Variants in P2RY12 observed in about 807,000 individuals in gnomAD.
P2RY12 encodes P2Y purinoceptor 12.
P2RY12 carries 3 observed loss-of-function variants against 4.5 expected under a neutral mutation model. The observed-to-expected ratio is 0.67, with a 90% CI of 0.31 to 1.74. The LOEUF is 1.74. P2RY12 is among the 40% of genes most tolerant of loss of function. P2RY12 has a pLI of 0.09. For missense variants in P2RY12, 356 were observed against 407.8 expected (o/e 0.87, Z 1.09); for synonymous variants, 148 against 154.1 (o/e 0.96, Z 0.29).
At chr3:151,357,517 A>G (rs1754075036) in intron 1 of P2RY12, 3 of 689,288 alleles carry the variant, frequency 4.4e-6, no homozygotes, top group Non-Finnish European at 6.7e-6. Flanking sequence ...CTTGCCAGAA[A>G]ACATCGATCA....
intron 1 of P2RY12, among the ~76,000 whole-genome samples, chr3:151,369,003 C>T (rs1229134618): frequency 6.6e-6 from 1 of 152,048 alleles, no homozygotes; most frequent in Non-Finnish European, 1.5e-5. Flanking sequence ...CCTCGTGATC[C>T]ACCTGCCTCG....
rs1258199474 is a variant in P2RY12, at chr3:151,338,724, A to T, written c.122T>A (p.Ile41Asn). 6.2e-7 allele frequency: 1 copy of T among 1,613,646 alleles called. No individual in the cohort carries two copies. Among genetic ancestry groups the T allele is most frequent in the South Asian group, 1.1e-5 (1 of 91,060 alleles). Reference sequence around the variant, plus strand: ...AATCCTCATCGCCAGGCCATTTGTGATAAGTCCAACAAAAAACAGGACAGT... The same window carrying T: ...AATCCTCATCGCCAGGCCATTTGTGTTAAGTCCAACAAAAAACAGGACAGT... ...LYTVLFFVGL[I>N]TNGLAMRIFF... The change falls in exon 3 of 3, where the codon ATC becomes AAC. Residue 41 changes from isoleucine (I) to asparagine (N), a missense_variant. Physicochemically the swap from Ile to Asn is moderately radical, Grantham distance 149. Coordinates refer to ENST00000302632, the MANE Select transcript of P2RY12 (RefSeq NM_022788.5).
intron 1 of P2RY12, among the ~76,000 whole-genome samples, chr3:151,352,517 T>A (rs1391127057): frequency 6.6e-6 from 1 of 152,208 alleles, no homozygotes; most frequent in Non-Finnish European, 1.5e-5. Context: ...TAGCTAACTG[T>A]ACTTCATATT....
intron 1 of P2RY12, among the ~76,000 whole-genome samples, chr3:151,356,865 C>G (rs1415278183): frequency 2.0e-5 from 3 of 151,878 alleles, no homozygotes; most frequent in Admixed American, 1.3e-4. Flanking sequence ...GAGATATTAA[C>G]TTTGTTAATG....
chr3:151,362,935 C>T (rs1754798220), intron 1 of P2RY12, among the ~76,000 whole-genome samples: 1 of 152,118 alleles, frequency 6.6e-6, no homozygotes. Context: ...TTTCAGCTTA[C>T]ATTTTTCAAA....
chr3:151,357,351 G>C, intron 1 of P2RY12: 1 of 1,612,312 alleles, frequency 6.2e-7, no homozygotes, highest in South Asian at 1.1e-5. Context: ...CTTGAATCCT[G>C]ATCAGACAGC....
chr3:151,383,712 CAT>C (rs2108155771), intron 1 of P2RY12: 3 of 980,664 alleles, frequency 3.1e-6, no homozygotes, highest in African/African-American at 3.3e-5. Context: ...AATTTGATAA[CAT>C]AAAGCAATGG....
intron 1 of P2RY12, among the ~76,000 whole-genome samples, chr3:151,355,468 A>G (rs1287509397): frequency 6.6e-6 from 1 of 152,198 alleles, no homozygotes; most frequent in Non-Finnish European, 1.5e-5. Context: ...AATCGGTGAC[A>G]TATAAAGTAA....
chr3:151,337,755 A>G lies in P2RY12; in HGVS notation c.*62T>C. The G allele has an allele frequency of 2.0e-6, 3 of 1,510,382 alleles. No homozygotes were observed. In the South Asian group the frequency reaches 3.4e-5, roughly 17 times the overall value. The allele number at this position is 1,510,382 out of a possible 1,614,324, so 93.6% of individuals were successfully genotyped here. ...TCTTCGTCAGTTAATATTTTTACTTAGCGCTTTGCTTTAACGAGTTCTGAA... is the reference window on the plus strand; with the variant it reads ...TCTTCGTCAGTTAATATTTTTACTTGGCGCTTTGCTTTAACGAGTTCTGAA... On this transcript the variant is annotated 3_prime_UTR_variant, in exon 3 of 3. Transcript: ENST00000302632.
chr3:151,382,376 G>A (rs1198403401), intron 1 of P2RY12, among the ~76,000 whole-genome samples: 1 of 151,996 alleles, frequency 6.6e-6, no homozygotes, highest in African/African-American at 2.4e-5. Context: ...TTTTATTAAT[G>A]CTTAATTTGA....
intron 1 of P2RY12, among the ~76,000 whole-genome samples, chr3:151,371,557 A>G (rs534969713): frequency 5.9e-5 from 9 of 152,210 alleles, no homozygotes; most frequent in African/African-American, 2.2e-4. Flanking sequence ...TCAGTAAGCC[A>G]TTTTTTTCAG....
chr3:151,357,327 C>T, intron 1 of P2RY12: 1 of 1,613,772 alleles, frequency 6.2e-7, no homozygotes, highest in Non-Finnish European at 8.5e-7. Context: ...CAGGCGCTAT[C>T]ACAGTTGTCT....
At chr3:151,343,485 G>C (rs1045053853) in intron 1 of P2RY12, among the ~76,000 whole-genome samples, 6 of 152,158 alleles carry the variant, frequency 3.9e-5, no homozygotes, top group African/African-American at 1.4e-4. Context: ...TTCATTGGAG[G>C]AAGACTGCCA....
At chr3:151,339,964 T>C (rs1286927985) in intron 2 of P2RY12, among the ~76,000 whole-genome samples, 1 of 152,122 alleles carries the variant, frequency 6.6e-6, no homozygotes, top group African/African-American at 2.4e-5. Flanking sequence ...AAAAAATAAC[T>C]TTCGTGTAAA....
rs1266034271 is a variant in P2RY12, at chr3:151,337,330, C to G, written c.*487G>C. The G allele has an allele frequency of 6.4e-6, 1 of 155,120 alleles. No homozygotes were observed. Among genetic ancestry groups the G allele is most frequent in the Admixed American group, 6.4e-5 (1 of 15,682 alleles). 9.6% of individuals were successfully genotyped at this position (155,120 alleles called of 1,614,324 possible). On this transcript the variant is annotated 3_prime_UTR_variant, in exon 3 of 3. Transcript: ENST00000302632. Reference sequence around the variant, plus strand: ...TAGTTATTATTCTTTGTGTATCCCACTTACTTAAATTTTTATAAGTATCCC... The same window carrying G: ...TAGTTATTATTCTTTGTGTATCCCAGTTACTTAAATTTTTATAAGTATCCC...
At chr3:151,373,871 G>A (rs1232974909) in intron 1 of P2RY12, among the ~76,000 whole-genome samples, 5 of 152,094 alleles carry the variant, frequency 3.3e-5, no homozygotes, top group Non-Finnish European at 7.4e-5. Flanking sequence ...AGCAGAGAAC[G>A]TTACTGAGAA....
In P2RY12 at chr3:151,362,402, A is replaced by G. The variant is rs192597206; in HGVS notation, c.-179-21642T>C. On this transcript the variant is annotated intron_variant, in intron 1 of 2. Coordinates refer to ENST00000302632, the MANE Select transcript of P2RY12 (RefSeq NM_022788.5). ...GCCACACAGACCTCTTTACTGATCA[A>G]ACACTCTAAGAACAACCCACAGTAG... is the stretch of plus-strand genomic sequence containing the variant. Among the ~76,000 whole-genome samples the G allele has an allele frequency of 5.5e-3, 833 of 152,090 alleles. 5 individuals are homozygous for G. The highest frequency in any genetic ancestry group is 0.019 in the African/African-American group (803 of 41,490).
intron 1 of P2RY12, chr3:151,368,250 G>C: frequency 6.2e-7 from 1 of 1,613,046 alleles, no homozygotes. Flanking sequence ...CTCAAGCAAC[G>C]GGTGAGCTGA....
chr3:151,337,623 G>T lies in P2RY12; in HGVS notation c.*194C>A. 1.7e-6 allele frequency: 1 copy of T among 603,142 alleles called. No individual in the cohort carries two copies. The highest frequency in any genetic ancestry group is 2.1e-5 in the South Asian group (1 of 47,634). 37.4% of individuals were successfully genotyped at this position (603,142 alleles called of 1,614,324 possible). Reference sequence around the variant, plus strand: ...TTGCTGCTAATACAGCTACAGTTTAGATTAGTTTTCTATATTTTAAGATAG... The same window carrying T: ...TTGCTGCTAATACAGCTACAGTTTATATTAGTTTTCTATATTTTAAGATAG... On this transcript the variant is annotated 3_prime_UTR_variant, in exon 3 of 3. Coordinates refer to ENST00000302632, the MANE Select transcript of P2RY12 (RefSeq NM_022788.5).
Sources: allele counts gnomAD v4.1 joint callset (sites outside exome capture counted in the v4.1 genomes callset), GRCh38; gene constraint gnomAD v4.1.1; transcripts MANE v1.5; gene names NCBI Gene and HGNC (gene_info 2026-07-23, HGNC 2026-07-21).